ERC2: variants seen among roughly 807,000 people sequenced by gnomAD.
ERC2 encodes ELKS/RAB6-interacting/CAST family member 2.
Under a neutral mutation model 114.8 loss-of-function variants are expected in ERC2, and 42 were observed. The ratio of observed to expected loss-of-function variants is 0.37; its 90% CI spans 0.29 to 0.47. The LOEUF (loss-of-function observed/expected upper bound fraction) is 0.47, where lower values mean the gene tolerates loss of function less well. ERC2 is among the 20% of genes least tolerant of loss of function. The pLI is 0.99. For synonymous variants in ERC2, 454 were observed against 425.5 expected (o/e 1.07, Z -0.82); for missense variants, 939 against 1,150.7 (o/e 0.82, Z 2.66).
intron 3 of ERC2, among the ~76,000 whole-genome samples, chr3:56,208,510 AT>A (rs2048871498): frequency 6.6e-6 from 1 of 152,200 alleles, no homozygotes; most frequent in Non-Finnish European, 1.5e-5. Context: ...GCCCTATCTT[AT>A]TAATTTACAG....
intron 14 of ERC2, among the ~76,000 whole-genome samples, chr3:55,737,512 C>T (rs905520789): frequency 2.0e-5 from 3 of 152,160 alleles, no homozygotes; most frequent in Non-Finnish European, 4.4e-5. Flanking sequence ...CTACAACACA[C>T]AAGGTGACTG....
rs141666401 is a variant in ERC2, at chr3:56,395,718, T to C, written c.657+38633A>G. 6.1e-3 allele frequency among the ~76,000 whole-genome samples: 926 copies of C among 152,354 alleles called. 9 individuals are homozygous for C. Among genetic ancestry groups the C allele is most frequent in the African/African-American group, 0.021 (879 of 41,582 alleles). On this transcript the variant is annotated intron_variant, in intron 2 of 17. Transcript: ENST00000288221. Reference sequence around the variant, plus strand: ...GCAGATGCCAGCACCATGTTTCCTGTGAAGCCTGCAGAAACTCTTTTCTTT... The same window carrying C: ...GCAGATGCCAGCACCATGTTTCCTGCGAAGCCTGCAGAAACTCTTTTCTTT...
intron 14 of ERC2, among the ~76,000 whole-genome samples, chr3:55,747,503 AG>A (rs1379069802): frequency 2.6e-5 from 4 of 152,252 alleles, no homozygotes; most frequent in Admixed American, 2.6e-4. Context: ...CAAATGAGTG[AG>A]ATTAGAAATA....
chr3:55,691,962 C>T (rs748875904), intron 16 of ERC2, among the ~76,000 whole-genome samples: 1 of 152,120 alleles, frequency 6.6e-6, no homozygotes, highest in Non-Finnish European at 1.5e-5. Context: ...GCAATACATA[C>T]ATATATACAC....
At chr3:55,997,935 T>TG (rs2071716519) in intron 10 of ERC2, among the ~76,000 whole-genome samples, 7 of 141,822 alleles carry the variant, frequency 4.9e-5, no homozygotes, top group Admixed American at 7.0e-5. Flanking sequence ...TTTTGTTTTT[T>TG]TTTTTTTTTT....
intron 16 of ERC2, among the ~76,000 whole-genome samples, chr3:55,696,841 A>T (rs1176567176): frequency 6.6e-6 from 1 of 152,170 alleles, no homozygotes; most frequent in African/African-American, 2.4e-5. Flanking sequence ...GTGCCAACCT[A>T]CTCTCACACT....
intron 3 of ERC2, among the ~76,000 whole-genome samples, chr3:56,184,819 G>C (rs1000369577): frequency 3.9e-5 from 6 of 152,124 alleles, no homozygotes; most frequent in Admixed American, 6.6e-5. Context: ...CATGCTATGA[G>C]AGAGAATGCA....
chr3:55,542,573 C>A (rs2054468674), intron 17 of ERC2, among the ~76,000 whole-genome samples: 1 of 152,174 alleles, frequency 6.6e-6, no homozygotes, highest in African/African-American at 2.4e-5. Context: ...AACTTGACTT[C>A]CCCCAAAACT....
At chr3:55,623,097 T>C (rs1044054030) in intron 17 of ERC2, among the ~76,000 whole-genome samples, 2 of 152,208 alleles carry the variant, frequency 1.3e-5, no homozygotes, top group Admixed American at 6.5e-5. Context: ...ATGTGACTTG[T>C]TTCTGACCTG....
intron 17 of ERC2, among the ~76,000 whole-genome samples, chr3:55,517,681 C>T (rs1448087337): frequency 2.6e-5 from 4 of 152,188 alleles, no homozygotes; most frequent in Non-Finnish European, 5.9e-5. Context: ...CCAGCCATGG[C>T]CTTCTCCCCA....
At chr3:56,013,085 A>G (rs528547149) in intron 8 of ERC2, among the ~76,000 whole-genome samples, 25 of 152,180 alleles carry the variant, frequency 1.6e-4, no homozygotes, top group Non-Finnish European at 2.4e-4. Flanking sequence ...AGTGGGTTCC[A>G]TCTCTTGAGC....
chr3:56,035,671 G>A (rs111679695), intron 7 of ERC2, among the ~76,000 whole-genome samples: 17 of 152,306 alleles, frequency 1.1e-4, no homozygotes, highest in African/African-American at 4.1e-4. Flanking sequence ...CTCCTCTCTG[G>A]AAGATACAGC....
At chr3:56,454,953 A>G (rs944507822) in intron 1 of ERC2, among the ~76,000 whole-genome samples, 1 of 152,140 alleles carries the variant, frequency 6.6e-6, no homozygotes, top group African/African-American at 2.4e-5. Context: ...ACCAGCCACA[A>G]AAGCTCAAAT....
chr3:56,298,797 T>C (rs1004272479), intron 2 of ERC2, among the ~76,000 whole-genome samples: 1 of 152,228 alleles, frequency 6.6e-6, no homozygotes, highest in Admixed American at 6.5e-5. Flanking sequence ...TGCACCACTT[T>C]GTGAATATAC....
chr3:56,195,910 C>A (rs2048073079), intron 3 of ERC2, among the ~76,000 whole-genome samples: 1 of 152,064 alleles, frequency 6.6e-6, no homozygotes. Context: ...ATCCTAATAA[C>A]CTGATCCTTT....
intron 17 of ERC2, among the ~76,000 whole-genome samples, chr3:55,651,763 A>G (rs999248075): frequency 1.3e-5 from 2 of 152,180 alleles, no homozygotes; most frequent in Admixed American, 6.5e-5. Context: ...GAAACAGGGG[A>G]TCATCCATTA....
intron 14 of ERC2, among the ~76,000 whole-genome samples, chr3:55,830,792 A>G (rs2060534486): frequency 6.6e-6 from 1 of 151,986 alleles, no homozygotes; most frequent in South Asian, 2.1e-4. Context: ...AAATTATAAA[A>G]AACTAACCAG....
rs2056696139 is a variant in ERC2 at position 56,313,177 on chromosome 3, G to C, written c.658-16742C>G. On this transcript the variant is annotated intron_variant, in intron 2 of 17. Coordinates refer to ENST00000288221, the MANE Select transcript of ERC2 (RefSeq NM_015576.3). The stretch of plus-strand genomic sequence containing the variant: ...AGGAAAATATACCACAGTGATCATT[G>C]CTGGGGAGAGGAGGATGGGGAAATG... 4.7e-5 allele frequency among the ~76,000 whole-genome samples: 7 copies of C among 150,330 alleles called. No homozygotes were observed. In the South Asian group the frequency reaches 1.5e-3, roughly 32 times the overall value.
At chr3:55,909,235 G>T (rs922217986) in intron 13 of ERC2, among the ~76,000 whole-genome samples, 2 of 152,146 alleles carry the variant, frequency 1.3e-5, no homozygotes, top group Non-Finnish European at 2.9e-5. Context: ...TCACAATGGC[G>T]TCTGAAATTA....
Sources: gnomAD v4.1 joint callset for allele counts (sites outside exome capture counted in the v4.1 genomes callset) on GRCh38, gnomAD v4.1.1 for gene constraint, MANE v1.5 for transcripts, NCBI Gene and HGNC (gene_info 2026-07-23, HGNC 2026-07-21) for gene names.